ZGRF1: variants seen among roughly 807,000 people sequenced by gnomAD.
The protein encoded by ZGRF1 is 5'-3' DNA helicase ZGRF1.
In ZGRF1, 196 loss-of-function variants were observed where a neutral mutation model predicts 203.5. The ratio of observed to expected loss-of-function variants is 0.96; its 90% CI spans 0.86 to 1.08. ZGRF1 has a LOEUF of 1.08. Ranked by LOEUF, ZGRF1 falls within the 50% of genes least tolerant of loss-of-function variation. The pLI, the probability that ZGRF1 is intolerant of heterozygous loss-of-function variation, is 0.00. For synonymous variants in ZGRF1, 809 were observed against 841.3 expected (o/e 0.96, Z 0.66); for missense variants, 2,326 against 2,416.3 (o/e 0.96, Z 0.78).
At chr4:112,555,439 T>C (rs1740760921) in intron 20 of ZGRF1, among the ~76,000 whole-genome samples, 1 of 152,196 alleles carries the variant, frequency 6.6e-6, no homozygotes. Context: ...TTTAAAGAGC[T>C]GGAGAACTAA....
intron 10 of ZGRF1, among the ~76,000 whole-genome samples, chr4:112,601,822 T>C (rs991826916): frequency 1.3e-5 from 2 of 152,130 alleles, no homozygotes; most frequent in Non-Finnish European, 2.9e-5. Flanking sequence ...GGAAAGATAT[T>C]TGCAAAGCAT....
chr4:112,588,823 T>C (rs1260886594), intron 11 of ZGRF1, among the ~76,000 whole-genome samples: 1 of 152,188 alleles, frequency 6.6e-6, no homozygotes, highest in Non-Finnish European at 1.5e-5. Flanking sequence ...TATTCTTTTA[T>C]AAAGTGCTAT....
chr4:112,585,195 G>C (rs555434329), intron 14 of ZGRF1, among the ~76,000 whole-genome samples: 1 of 152,008 alleles, frequency 6.6e-6, no homozygotes, highest in Non-Finnish European at 1.5e-5. Flanking sequence ...GCTTGAGCCC[G>C]GAAGTTCAAG....
chr4:112,541,576 T>C (rs1737623971), intron 24 of ZGRF1, among the ~76,000 whole-genome samples: 1 of 150,946 alleles, frequency 6.6e-6, no homozygotes, highest in Non-Finnish European at 1.5e-5. Flanking sequence ...TCGCCCAGGC[T>C]GGATTGCAAT....
At chr4:112,632,809 G>C (rs2047455096) in intron 2 of ZGRF1, among the ~76,000 whole-genome samples, 1 of 152,158 alleles carries the variant, frequency 6.6e-6, no homozygotes, top group African/African-American at 2.4e-5. Flanking sequence ...AGTTCTTCAA[G>C]AGAAAGAAAT....
At chr4:112,544,796 G>A (rs533832123) in intron 24 of ZGRF1, among the ~76,000 whole-genome samples, 3 of 152,300 alleles carry the variant, frequency 2.0e-5, no homozygotes, top group African/African-American at 7.2e-5. Context: ...ACAAGCCAAT[G>A]ACCAATGGAA....
chr4:112,619,621 G>T lies in ZGRF1; in HGVS notation c.421C>A (p.His141Asn). 6.2e-7 allele frequency: 1 copy of T among 1,613,912 alleles called. No homozygotes were observed. The highest frequency in any genetic ancestry group is 1.1e-5 in the South Asian group (1 of 91,020). ...GTAGGGCCAGTTTTCTTAGCCTCATGTGATGCAGCTGATTCACCACTTTCC... is the reference window on the plus strand; with the variant it reads ...GTAGGGCCAGTTTTCTTAGCCTCATTTGATGCAGCTGATTCACCACTTTCC... ...IMESGESAASHEAKKTGPTIF... is the reference protein window; with the variant it reads ...IMESGESAASNEAKKTGPTIF... The change falls in exon 6 of 28, where the codon CAT becomes AAT. Residue 141 changes from histidine (H) to asparagine (N), a missense_variant. His to Asn is a moderately conservative substitution (Grantham distance 68, BLOSUM62 1). Coordinates refer to ENST00000505019, the MANE Select transcript of ZGRF1 (RefSeq NM_018392.5).
Position 112,603,596 on chromosome 4 carries a change from G to A in ZGRF1, c.2904C>T (p.Ser968=), listed in dbSNP as rs774533615. The A allele has an allele frequency of 5.6e-6, 9 of 1,613,206 alleles. No homozygotes were observed. The highest frequency in any genetic ancestry group is 7.6e-6 in the Non-Finnish European group (9 of 1,179,286). Residue 968 remains serine, a synonymous_variant, in exon 10 of 28, where the codon AGC becomes AGT. Transcript: ENST00000505019. ...CTGTCATAAAGTTTTCATACTCAGT[G>A]CTATCTGGAAACTGACTGCATCCTA... The part of the protein sequence containing the change: ...SQLGCSQFPD[S]TEYENFMTET...
chr4:112,573,355 G>C (rs1048240324), intron 16 of ZGRF1, among the ~76,000 whole-genome samples: 4 of 152,198 alleles, frequency 2.6e-5, no homozygotes, highest in South Asian at 2.1e-4. Context: ...TAAGTTATGA[G>C]GGTACAAAGG....
chr4:112,609,305 A>T, intron 8 of ZGRF1, 74 bp downstream of exon 8: 1 of 623,864 alleles, frequency 1.6e-6, no homozygotes, highest in Non-Finnish European at 2.6e-6. Flanking sequence ...CACCCGCCTC[A>T]GCCTCCCAAA....
chr4:112,562,556 C>A, intron 17 of ZGRF1, 71 bp from the exon 18 acceptor site: 4 of 883,260 alleles, frequency 4.5e-6, no homozygotes, highest in Non-Finnish European at 7.3e-6. Context: ...GTGTTAAATG[C>A]CCACATAACT....
chr4:112,553,009 T>C (rs1233808310), intron 22 of ZGRF1, among the ~76,000 whole-genome samples: 1 of 152,246 alleles, frequency 6.6e-6, no homozygotes, highest in African/African-American at 2.4e-5. Context: ...GCCACACCAC[T>C]TGACCTGTAG....
Position 112,587,891 on chromosome 4 carries a change from G to C in ZGRF1, c.3166C>G (p.Gln1056Glu). The C allele has an allele frequency of 6.5e-7, 1 of 1,544,816 alleles. No individual in the cohort carries two copies. Among genetic ancestry groups the C allele is most frequent in the Non-Finnish European group, 8.7e-7 (1 of 1,145,140 alleles). The stretch of plus-strand genomic sequence containing the variant: ...GTTCTACTTAATAATGAAAGCCTTT[G>C]AAGGTTCTCATTCTCCAGAGAACGG... ...KSRSLENENL[Q>E]RLSLLSRTQV... The change falls in exon 12 of 28, where the codon CAA becomes GAA. Residue 1056 changes from glutamine to glutamate, a missense_variant. By Grantham distance (29) the Gln-to-Glu change is conservative. Coordinates refer to ENST00000505019, the MANE Select transcript of ZGRF1 (RefSeq NM_018392.5).
At chr4:112,616,897 G>T (rs932730997) in intron 6 of ZGRF1, among the ~76,000 whole-genome samples, 1 of 151,650 alleles carries the variant, frequency 6.6e-6, no homozygotes, top group African/African-American at 2.4e-5. Flanking sequence ...CTGTGGTATA[G>T]GATTGGAATT....
At chr4:112,636,538 C>T (rs147425781) in intron 1 of ZGRF1, among the ~76,000 whole-genome samples, 3 of 152,250 alleles carry the variant, frequency 2.0e-5, no homozygotes, top group African/African-American at 4.8e-5. Context: ...ATCTCATTTG[C>T]CAAGATTCTA....
intron 20 of ZGRF1, among the ~76,000 whole-genome samples, chr4:112,557,194 C>T (rs1741101060): frequency 6.8e-6 from 1 of 147,696 alleles, no homozygotes; most frequent in African/African-American, 2.5e-5. Context: ...TTTTTTGAGA[C>T]AGATTCTCCC....
chr4:112,542,376 G>T (rs762011081), intron 24 of ZGRF1, among the ~76,000 whole-genome samples: 1 of 152,132 alleles, frequency 6.6e-6, no homozygotes, highest in Non-Finnish European at 1.5e-5. Flanking sequence ...CAACAGTAAT[G>T]ATTACAAAGC....
intron 15 of ZGRF1, among the ~76,000 whole-genome samples, chr4:112,582,478 G>A (rs1457178793): frequency 6.6e-6 from 1 of 151,674 alleles, no homozygotes; most frequent in Non-Finnish European, 1.5e-5. Flanking sequence ...TTGAGACAGA[G>A]TCTGGCTTTG....
intron 16 of ZGRF1, among the ~76,000 whole-genome samples, chr4:112,568,209 C>T (rs1427016432): frequency 6.6e-6 from 1 of 151,588 alleles, no homozygotes; most frequent in Non-Finnish European, 1.5e-5. Flanking sequence ...AAATAGGAAG[C>T]TTATTTGAAG....
Sources: gnomAD v4.1 joint callset for allele counts (sites outside exome capture counted in the v4.1 genomes callset) on GRCh38, gnomAD v4.1.1 for gene constraint, MANE v1.5 for transcripts, NCBI Gene and HGNC (gene_info 2026-07-23, HGNC 2026-07-21) for gene names.